RBFOX1: variants seen among roughly 807,000 people sequenced by gnomAD.
The protein encoded by RBFOX1 is RNA binding fox-1 homolog 1.
Under a neutral mutation model 57.7 loss-of-function variants are expected in RBFOX1, and 8 were observed. The ratio of observed to expected loss-of-function variants is 0.14; its 90% CI spans 0.08 to 0.25. The LOEUF (loss-of-function observed/expected upper bound fraction) is 0.25. Ranked by LOEUF, RBFOX1 falls within the 10% of genes least tolerant of loss-of-function variation. RBFOX1 has a pLI of 1.00. For synonymous variants in RBFOX1, 326 were observed against 222.4 expected (o/e 1.47, Z -4.15); for missense variants, 611 against 548.5 (o/e 1.11, Z -1.14).
At chr16:5,804,048 G>A (rs1567562343) in intron 3 of RBFOX1, among the ~76,000 whole-genome samples, 2 of 152,262 alleles carry the variant, frequency 1.3e-5, no homozygotes, top group South Asian at 2.1e-4. Flanking sequence ...GTCTGCAATT[G>A]CATCTATTCT....
rs1224136510 is a variant in RBFOX1 at position 6,326,500 on chromosome 16, C to T, written c.-64+9443C>T. Among the ~76,000 whole-genome samples, 15 of 152,174 alleles carry T rather than the reference C, an allele frequency of 9.9e-5. No individual in the cohort carries two copies. The East Asian group carries it at 2.9e-3, about 30-fold the overall frequency. ...AGTACTTTCTTCTCTTTCTTTGTCC[C>T]AGCCCAGGTTTTCTCCTTTCTAATC... On this transcript the variant is annotated intron_variant, in intron 2 of 15. Coordinates refer to ENST00000550418, the MANE Select transcript of RBFOX1 (RefSeq NM_018723.4).
At chr16:6,939,738 C>T (rs1468400744) in intron 3 of RBFOX1, among the ~76,000 whole-genome samples, 3 of 152,194 alleles carry the variant, frequency 2.0e-5, no homozygotes, top group South Asian at 4.2e-4. Flanking sequence ...TCTCAGACTC[C>T]TGGCCTCAAA....
chr16:6,778,273 A>G (rs1441148852), intron 3 of RBFOX1, among the ~76,000 whole-genome samples: 1 of 152,158 alleles, frequency 6.6e-6, no homozygotes, highest in African/African-American at 2.4e-5. Flanking sequence ...TTTTTATTGT[A>G]CAAAGTAACA....
chr16:5,965,290 C>T (rs1158087429), intron 4 of RBFOX1, among the ~76,000 whole-genome samples: 1 of 152,120 alleles, frequency 6.6e-6, no homozygotes, highest in Non-Finnish European at 1.5e-5. Context: ...GGAGAGTAGA[C>T]CTCAAATGTT....
chr16:5,789,107 C>G (rs1318147861), intron 3 of RBFOX1, among the ~76,000 whole-genome samples: 3 of 152,158 alleles, frequency 2.0e-5, no homozygotes, highest in Non-Finnish European at 2.9e-5. Flanking sequence ...CTCTCTCTCA[C>G]ACAGCACCAA....
rs1338578050 is a variant in RBFOX1, at chr16:6,344,211, C to T, written c.-64+27154C>T. On this transcript the variant is annotated intron_variant, in intron 2 of 15. Transcript: ENST00000550418. ...GATTACAGGTGCCTGCTGCCACACCCGGCTAATTTTTATATTTTTAGTAGA... is the reference window on the plus strand; with the variant it reads ...GATTACAGGTGCCTGCTGCCACACCTGGCTAATTTTTATATTTTTAGTAGA... 4.6e-5 allele frequency among the ~76,000 whole-genome samples: 7 copies of T among 151,934 alleles called. No homozygotes were observed. The East Asian group carries it at 5.8e-4, about 13-fold the overall frequency.
intron 4 of RBFOX1, among the ~76,000 whole-genome samples, chr16:7,375,898 A>G (rs1288379227): frequency 6.6e-6 from 1 of 152,208 alleles, no homozygotes; most frequent in Non-Finnish European, 1.5e-5. Flanking sequence ...TGCAAAGGGA[A>G]GACCTTGTGC....
chr16:6,769,956 G>A (rs1199226443), intron 3 of RBFOX1, among the ~76,000 whole-genome samples: 1 of 152,100 alleles, frequency 6.6e-6, no homozygotes, highest in Non-Finnish European at 1.5e-5. Flanking sequence ...CTATCTATGT[G>A]CCTTATGCCT....
chr16:7,196,262 G>T (rs920848409), intron 4 of RBFOX1, among the ~76,000 whole-genome samples: 9 of 152,132 alleles, frequency 5.9e-5, no homozygotes, highest in African/African-American at 2.2e-4. Context: ...CATGGTGAAT[G>T]TAATGTTCTT....
At chr16:5,572,944 G>A (rs571829903) in intron 2 of RBFOX1, among the ~76,000 whole-genome samples, 1 of 152,118 alleles carries the variant, frequency 6.6e-6, no homozygotes. Context: ...GAGGGAGACT[G>A]GGGGGTGATT....
chr16:5,637,735 T>C (rs1231646776), intron 3 of RBFOX1, among the ~76,000 whole-genome samples: 2 of 152,074 alleles, frequency 1.3e-5, no homozygotes, highest in Non-Finnish European at 2.9e-5. Flanking sequence ...AGGAGATGTG[T>C]ATATCCAGGC....
intron 3 of RBFOX1, among the ~76,000 whole-genome samples, chr16:7,005,738 C>T (rs1201319289): frequency 1.3e-5 from 2 of 152,182 alleles, no homozygotes; most frequent in African/African-American, 2.4e-5. Context: ...GCTAGGTGAT[C>T]ATGTCTGAAC....
In RBFOX1 at chr16:7,289,933, C is replaced by T. The variant is rs567005812; in HGVS notation, c.28-228214C>T. Among the ~76,000 whole-genome samples the T allele has an allele frequency of 6.6e-5, 10 of 152,224 alleles. No individual in the cohort carries two copies. The East Asian group carries it at 9.6e-4, about 15-fold the overall frequency. On this transcript the variant is annotated intron_variant, in intron 4 of 15. Coordinates refer to ENST00000550418, the MANE Select transcript of RBFOX1 (RefSeq NM_018723.4). ...CCTCCCTAGTCCTTATCATCCATTT[C>T]GTTATCAAGAAGGCAGGACAAGGTT...
intron 2 of RBFOX1, among the ~76,000 whole-genome samples, chr16:6,362,877 C>G (rs1470056599): frequency 1.3e-5 from 2 of 152,158 alleles, no homozygotes; most frequent in Non-Finnish European, 2.9e-5. Flanking sequence ...AGGATGGAGA[C>G]TAAATAAGGT....
intron 4 of RBFOX1, among the ~76,000 whole-genome samples, chr16:5,993,343 G>A (rs1456857608): frequency 1.8e-4 from 2 of 11,242 alleles, no homozygotes; most frequent in East Asian, 5.2e-3. Context: ...TGCTGTACGT[G>A]TGTGTGTGTG....
At chr16:5,647,344 T>A (rs1025089340) in intron 3 of RBFOX1, among the ~76,000 whole-genome samples, 11 of 152,220 alleles carry the variant, frequency 7.2e-5, no homozygotes, top group Non-Finnish European at 1.5e-4. Context: ...CAGAGGAAAT[T>A]GTATTTTAGA....
intron 4 of RBFOX1, among the ~76,000 whole-genome samples, chr16:7,310,930 T>G (rs889276072): frequency 6.6e-6 from 1 of 152,212 alleles, no homozygotes; most frequent in African/African-American, 2.4e-5. Context: ...TTGTGAACCA[T>G]GCATGCAGTA....
At chr16:5,243,467 C>T (rs748620172) in intron 1 of RBFOX1, among the ~76,000 whole-genome samples, 2 of 152,038 alleles carry the variant, frequency 1.3e-5, no homozygotes, top group African/African-American at 2.4e-5. Flanking sequence ...GCTTTGGCAC[C>T]GTCACAACAC....
At chr16:6,997,432 C>T (rs1417660316) in intron 3 of RBFOX1, among the ~76,000 whole-genome samples, 1 of 152,124 alleles carries the variant, frequency 6.6e-6, no homozygotes, top group Admixed American at 6.5e-5. Context: ...GATCAGAGTT[C>T]ATTTATATCC....
Sources: gnomAD v4.1 joint callset for allele counts (sites outside exome capture counted in the v4.1 genomes callset) on GRCh38, gnomAD v4.1.1 for gene constraint, MANE v1.5 for transcripts, NCBI Gene and HGNC (gene_info 2026-07-23, HGNC 2026-07-21) for gene names.